GALC: variants seen among roughly 807,000 people sequenced by gnomAD.
The protein encoded by GALC is galactocerebrosidase.
A neutral mutation model predicts 91.8 loss-of-function variants in GALC; 77 were observed. The ratio of observed to expected loss-of-function variants is 0.84; its 90% CI spans 0.70 to 1.01. The LOEUF (loss-of-function observed/expected upper bound fraction) is 1.01, where lower values mean the gene tolerates loss of function less well. Ranked by LOEUF, GALC falls within the 50% of genes least tolerant of loss-of-function variation. The pLI, the probability that GALC is intolerant of heterozygous loss-of-function variation, is 0.00. For synonymous variants in GALC, 357 were observed against 306.7 expected (o/e 1.16, Z -1.71); for missense variants, 882 against 855.9 (o/e 1.03, Z -0.38).
Position 87,934,494 on chromosome 14 carries a change from T to G in GALC, c.*238A>C. 3 of 1,399,200 alleles carry G rather than the reference T, an allele frequency of 2.1e-6. No homozygotes were observed. Among genetic ancestry groups the G allele is most frequent in the East Asian group, 5.6e-5 (2 of 35,998 alleles). The allele number at this position is 1,399,200 out of a possible 1,614,324, so 86.7% of individuals were successfully genotyped here. ...CTAAGGGTATGGCCAATGCACAGTT[T>G]GAATGTTAGGGAACACACCAGGTAA... is the stretch of plus-strand genomic sequence containing the variant. On this transcript the variant is annotated 3_prime_UTR_variant, in exon 17 of 17. Transcript: ENST00000261304.
upstream of GALC, chr14:87,993,425 G>T (rs1307710694): frequency 2.0e-5 from 30 of 1,535,744 alleles, no homozygotes; most frequent in Non-Finnish European, 2.6e-5. Flanking sequence ...GCACTTTAAC[G>T]CAGGGAAGGT....
At chr14:87,957,276 A>G in intron 10 of GALC, among the ~76,000 whole-genome samples, 1 of 151,976 alleles carries the variant, frequency 6.6e-6, no homozygotes, top group South Asian at 2.1e-4. Flanking sequence ...CCATTTATTT[A>G]TTTTGGTTTT....
At chr14:87,986,749 C>T (rs1886992662) in intron 3 of GALC, 147 bp from the exon 4 acceptor site, 1 of 676,960 alleles carries the variant, frequency 1.5e-6, no homozygotes, top group Non-Finnish European at 2.7e-6. Flanking sequence ...CATAATCTTA[C>T]ACAACTAAAG....
chr14:87,990,628 G>A (rs56264782), intron 1 of GALC, among the ~76,000 whole-genome samples: 17,212 of 152,170 alleles, frequency 0.11, 1,145 homozygotes, highest in Non-Finnish European at 0.16. Flanking sequence ...CCTGTCCTAC[G>A]CTACGCCATT....
chr14:87,986,618 C>G lies in GALC; in HGVS notation c.329-16G>C, dbSNP rs769099824. 3 of 1,515,256 alleles carry G rather than the reference C, an allele frequency of 2.0e-6. No individual in the cohort carries two copies. In the African/African-American group the frequency reaches 4.1e-5, roughly 21 times the overall value. 93.9% of individuals were successfully genotyped at this position (1,515,256 alleles called of 1,614,324 possible). On this transcript the variant is annotated splice_polypyrimidine_tract_variant and intron_variant, in intron 3 of 16. Transcript: ENST00000261304. ...TCAGTGCCGTCTGAATAGAGGAGAG[C>G]AAAAACGGAAGTAATGATCCATGAA...
intron 6 of GALC, among the ~76,000 whole-genome samples, chr14:87,979,626 TA>T (rs941451448): frequency 1.3e-5 from 2 of 152,310 alleles, no homozygotes; most frequent in Admixed American, 1.3e-4. Flanking sequence ...TTCATTAGTT[TA>T]AAAGAAAATG....
At chr14:87,976,304 T>C (rs2140015902) in intron 7 of GALC, 54 bp downstream of exon 7, 1 of 1,600,704 alleles carries the variant, frequency 6.2e-7, no homozygotes, top group Non-Finnish European at 8.5e-7. Flanking sequence ...AGATAGTCAA[T>C]ACACAGAGCA....
Position 87,950,666 on chromosome 14 carries a change from C to G in GALC, c.1244G>C (p.Gly415Ala), listed in dbSNP as rs1365128831. ...SQQFATFVLK[G>A]SFSEIPELQV... ...TTAAACATATTTACTTACAAAAGAT[C>G]CCTTAAGAACAAAGGTGGCAAATTG... The change falls in exon 11 of 17, where the codon GGA (glycine) becomes GCA (alanine). Residue 415 changes from glycine to alanine, a missense_variant. By Grantham distance (60) the Gly-to-Ala change is moderately conservative. Transcript: ENST00000261304. 1 of 1,574,350 alleles carries G rather than the reference C, an allele frequency of 6.4e-7. No homozygotes were observed. The highest frequency in any genetic ancestry group is 2.3e-5 in the East Asian group (1 of 44,420).
In GALC at chr14:87,976,425, GAT is replaced by G. The variant is rs747048831; in HGVS notation, c.683_684del (p.Asn228ThrfsTer12). On this transcript the variant is annotated frameshift_variant, in exon 7 of 17. Coordinates refer to ENST00000261304, the MANE Select transcript of GALC (RefSeq NM_000153.4). LOFTEE classifies it high-confidence loss of function. ...ATGGATGCAGAGATGGACTCCCAGA[GAT>G]TATCACTTGCTATGATTTTCACTCG... ...LQRVKIIASD[N>X]LWESISASML... 6 of 1,613,580 alleles carry G rather than the reference GAT, an allele frequency of 3.7e-6. No homozygotes were observed. In the East Asian group the frequency reaches 1.3e-4, roughly 36 times the overall value.
intron 13 of GALC, among the ~76,000 whole-genome samples, chr14:87,946,174 T>A (rs1595194655): frequency 6.6e-6 from 1 of 152,168 alleles, no homozygotes; most frequent in East Asian, 1.9e-4. Context: ...ATAGCTTTAT[T>A]ATTTCTAATA....
intron 16 of GALC, 145 bp downstream of exon 16, chr14:87,939,760 A>G (rs1175342677): frequency 1.1e-5 from 8 of 706,278 alleles, no homozygotes; most frequent in Non-Finnish European, 1.8e-5. Context: ...TATCCTAGGG[A>G]TGAGTGGCTT....
chr14:87,977,431 C>A (rs184291718), intron 6 of GALC, among the ~76,000 whole-genome samples: 7 of 152,098 alleles, frequency 4.6e-5, no homozygotes, highest in Non-Finnish European at 7.4e-5. Flanking sequence ...ACACACTCAA[C>A]AGGACACCAA....
chr14:87,934,176 T>C lies in GALC; in HGVS notation c.*556A>G. 4 of 1,398,628 alleles carry C rather than the reference T, an allele frequency of 2.9e-6. No individual in the cohort carries two copies. Among genetic ancestry groups the C allele is most frequent in the East Asian group, 5.1e-5 (2 of 39,394 alleles). 86.6% of individuals were successfully genotyped at this position (1,398,628 alleles called of 1,614,324 possible). A position where few individuals can be genotyped will look rare whatever the true frequency, so the allele number is the denominator to read the frequency against. On this transcript the variant is annotated 3_prime_UTR_variant, in exon 17 of 17. Coordinates refer to ENST00000261304, the MANE Select transcript of GALC (RefSeq NM_000153.4). ...ATCATCCCACTCATCATATCCTGCATTTCAAAAGTATCATCTTAAAAAGGA... is the reference window on the plus strand; with the variant it reads ...ATCATCCCACTCATCATATCCTGCACTTCAAAAGTATCATCTTAAAAAGGA...
intron 8 of GALC, among the ~76,000 whole-genome samples, chr14:87,967,541 T>TA (rs112022320): frequency 6.6e-6 from 1 of 152,076 alleles, no homozygotes; most frequent in Non-Finnish European, 1.5e-5. Flanking sequence ...TATCATTGTT[T>TA]AAAAAAAGCT....
intron 9 of GALC, 115 bp from the exon 10 acceptor site, chr14:87,963,626 T>G (rs529915456): frequency 1.1e-6 from 1 of 884,562 alleles, no homozygotes; most frequent in East Asian, 2.7e-5. Flanking sequence ...ACAAGCTATT[T>G]TCTATTTTGC....
At chr14:87,950,437 T>C (rs961268554) in intron 11 of GALC, among the ~76,000 whole-genome samples, 3 of 151,772 alleles carry the variant, frequency 2.0e-5, no homozygotes, top group African/African-American at 4.8e-5. Flanking sequence ...AAGTGACTTT[T>C]GTAAGTGTTC....
At chr14:87,949,697 C>A in intron 12 of GALC, 148 bp downstream of exon 12, 1 of 566,430 alleles carries the variant, frequency 1.8e-6, no homozygotes, top group East Asian at 3.0e-5. Context: ...TCACCATCCA[C>A]CAAGACAAAC....
rs1042042 is a variant in GALC, at chr14:87,933,457, C to T, written c.*1275G>A. 0.46 allele frequency: 70,195 copies of T among 152,476 alleles called. 17,819 individuals are homozygous for T. Among genetic ancestry groups the T allele is most frequent in the East Asian group, 0.75 (3,909 of 5,234 alleles). The allele number at this position is 152,476 out of a possible 1,614,324, so 9.4% of individuals were successfully genotyped here. ...AAATAAATTACACCTCTATAATGTT[C>T]GTTTTAAAAAATATTAGATACATCA... On this transcript the variant is annotated 3_prime_UTR_variant, in exon 17 of 17. Transcript: ENST00000261304.
At chr14:87,939,825 C>T in intron 16 of GALC, 80 bp downstream of exon 16, 1 of 1,018,658 alleles carries the variant, frequency 9.8e-7, no homozygotes, top group African/African-American at 1.6e-5. Flanking sequence ...CACTTTCCCC[C>T]TCCTATTTTA....
Sources: allele counts gnomAD v4.1 joint callset (sites outside exome capture counted in the v4.1 genomes callset), GRCh38; gene constraint gnomAD v4.1.1; transcripts MANE v1.5; gene names NCBI Gene and HGNC (gene_info 2026-07-23, HGNC 2026-07-21).